VWA3B: variants seen among roughly 807,000 people sequenced by gnomAD.
VWA3B encodes the protein von Willebrand factor A domain containing 3B, also known as von Willebrand factor A domain-containing protein 3B.
A neutral mutation model predicts 158.3 loss-of-function variants in VWA3B; 138 were observed. That is an observed-to-expected ratio of 0.87 (90% CI 0.76 to 1.00). VWA3B has a LOEUF of 1.00. VWA3B is among the 50% of genes least tolerant of loss of function. The probability of loss-of-function intolerance (pLI) is 0.00; values close to 1 mark genes in which losing one functional copy is unlikely to be tolerated. For missense variants in VWA3B, 1,555 were observed against 1,565.1 expected, an observed-to-expected ratio of 0.99 and a Z score of 0.11; for synonymous variants, 596 against 587.3, an observed-to-expected ratio of 1.01 and a Z score of -0.21.
intron 19 of VWA3B, among the ~76,000 whole-genome samples, chr2:98,240,229 G>A (rs1182818717): frequency 6.6e-6 from 1 of 152,076 alleles, no homozygotes; most frequent in African/African-American, 2.4e-5. Flanking sequence ...TAATAAACAT[G>A]AATAAGACAA....
chr2:98,228,469 G>T, intron 15 of VWA3B, 137 bp downstream of exon 15: 3 of 1,112,266 alleles, frequency 2.7e-6, no homozygotes, highest in Non-Finnish European at 3.6e-6. Flanking sequence ...GATTAAGTTA[G>T]GATTTTTTTA....
chr2:98,311,900 A>G lies in VWA3B; in HGVS notation c.3603A>G (p.Arg1201=), dbSNP rs748979874. ...ACACGCAGGATTCCAGAGAGCCAAGACGAGAGAAGCCCAGGAGGAAAAAGA... is the reference window on the plus strand; with the variant it reads ...ACACGCAGGATTCCAGAGAGCCAAGGCGAGAGAAGCCCAGGAGGAAAAAGA... ...EADTQDSREP[R]REKPRRKKRP... is the part of the protein sequence containing the mutation. Residue 1201 remains arginine (R), a synonymous_variant, in exon 27 of 28, where the codon AGA becomes AGG. Transcript: ENST00000477737. The G allele has an allele frequency of 3.7e-6, 6 of 1,611,702 alleles. No homozygotes were observed. The highest frequency in any genetic ancestry group is 3.3e-4 in the Middle Eastern group (2 of 6,054).
rs113997049 is a variant in VWA3B at position 98,164,945 on chromosome 2, T to C, written c.1114+1969T>C. On this transcript the variant is annotated intron_variant, in intron 8 of 27. Transcript: ENST00000477737. ...AGCTCCATCACTAGACCCACCTGAG[T>C]TTGTCTCTTTTAGCCTTATTCTTCT... Among the ~76,000 whole-genome samples the C allele has an allele frequency of 5.5e-3, 833 of 152,266 alleles. 10 individuals are homozygous for C. Among genetic ancestry groups the C allele is most frequent in the African/African-American group, 0.019 (801 of 41,542 alleles).
chr2:98,209,231 C>T (rs1683285943), intron 12 of VWA3B, among the ~76,000 whole-genome samples: 1 of 151,870 alleles, frequency 6.6e-6, no homozygotes, highest in South Asian at 2.1e-4. Flanking sequence ...ATTTGCTTAG[C>T]TTCTTGAATT....
intron 2 of VWA3B, among the ~76,000 whole-genome samples, chr2:98,108,576 T>C (rs553479661): frequency 6.6e-6 from 1 of 152,320 alleles, no homozygotes; most frequent in East Asian, 1.9e-4. Context: ...TTCTGGTGGA[T>C]TGACACCTTT....
chr2:98,329,062 G>T, the VWA3B span, among the ~76,000 whole-genome samples: 5 of 152,138 alleles, frequency 3.3e-5, no homozygotes, highest in African/African-American at 4.8e-5. Flanking sequence ...TTCAACAAAA[G>T]TCCCAAGGCA....
intron 26 of VWA3B, 62 bp from the exon 27 acceptor site, chr2:98,311,757 G>A: frequency 1.4e-6 from 2 of 1,469,684 alleles, no homozygotes; most frequent in South Asian, 2.9e-5. Context: ...GGATGGCTTG[G>A]ACATCTCTGT....
intron 2 of VWA3B, among the ~76,000 whole-genome samples, chr2:98,101,611 C>G (rs970975412): frequency 6.6e-6 from 1 of 152,198 alleles, no homozygotes; most frequent in Non-Finnish European, 1.5e-5. Flanking sequence ...TAAGGAAGAT[C>G]TAGGGGATGT....
At chr2:98,310,253 T>C (rs1209707279) in intron 26 of VWA3B, among the ~76,000 whole-genome samples, 1 of 152,130 alleles carries the variant, frequency 6.6e-6, no homozygotes. Flanking sequence ...ACCTCAGGAA[T>C]CCAGCAGGAT....
chr2:98,204,217 A>G (rs138033144), intron 12 of VWA3B, among the ~76,000 whole-genome samples: 69 of 152,296 alleles, frequency 4.5e-4, no homozygotes, highest in African/African-American at 1.6e-3. Context: ...AGACAGTAGT[A>G]TTTGTTTGTT....
intron 21 of VWA3B, 25 bp from the exon 22 acceptor site, chr2:98,270,655 TTG>T: frequency 1.9e-6 from 3 of 1,593,928 alleles, no homozygotes; most frequent in Non-Finnish European, 2.6e-6. Flanking sequence ...CTTCCTCTGT[TTG>T]TTTGTTTGTT....
chr2:98,304,358 G>T (rs866835010), intron 26 of VWA3B, among the ~76,000 whole-genome samples: 5 of 152,280 alleles, frequency 3.3e-5, no homozygotes, highest in African/African-American at 7.2e-5. Context: ...GGGCCAACGA[G>T]GGGCATCAAA....
intron 7 of VWA3B, among the ~76,000 whole-genome samples, chr2:98,139,971 C>T (rs1368236993): frequency 2.6e-5 from 4 of 152,162 alleles, no homozygotes; most frequent in Admixed American, 2.6e-4. Flanking sequence ...TGCAGCTTCA[C>T]TCCTGAAGCC....
rs1436042736 is a variant in VWA3B at position 98,217,914 on chromosome 2, T to A, written c.1905T>A (p.Asn635Lys). The change falls in exon 14 of 28, where the codon AAT becomes AAA. Residue 635 changes from asparagine (N) to lysine (K), a missense_variant. By Grantham distance (94) the Asn-to-Lys change is moderately conservative. Transcript: ENST00000477737. ...TTCCTATTTATACCATCTCCTTCAA[T>A]TACAATGATGAGATTGCAAACAGGT... ...QEIPIYTISFNYNDEIANRFL... is the reference protein window; with the variant it reads ...QEIPIYTISFKYNDEIANRFL... The A allele has an allele frequency of 6.2e-7, 1 of 1,613,214 alleles. No individual in the cohort carries two copies. The highest frequency in any genetic ancestry group is 1.3e-5 in the African/African-American group (1 of 74,816).
intron 8 of VWA3B, among the ~76,000 whole-genome samples, chr2:98,166,090 A>C (rs1374381138): frequency 2.0e-5 from 3 of 152,142 alleles, no homozygotes; most frequent in Non-Finnish European, 4.4e-5. Flanking sequence ...TAATCCCAGC[A>C]CTTTGGGAGG....
chr2:98,284,826 G>C (rs1056997980), intron 22 of VWA3B, among the ~76,000 whole-genome samples: 2 of 152,058 alleles, frequency 1.3e-5, no homozygotes, highest in Non-Finnish European at 2.9e-5. Flanking sequence ...GGTTAAGAAA[G>C]AAAAAAGAAA....
intron 12 of VWA3B, chr2:98,206,462 G>T: frequency 3.0e-6 from 1 of 329,276 alleles, no homozygotes; most frequent in South Asian, 4.2e-5. Flanking sequence ...ATTTGGGTGA[G>T]AGCACAGTAA....
chr2:98,192,284 T>C (rs193070514), intron 10 of VWA3B: 9 of 154,118 alleles, frequency 5.8e-5, no homozygotes, highest in African/African-American at 1.9e-4. Flanking sequence ...AATAAAGCTT[T>C]TAATCACCTG....
rs963511197 is a variant in VWA3B, at chr2:98,115,481, A to G, written c.197-171A>G. 3.3e-5 allele frequency among the ~76,000 whole-genome samples: 5 copies of G among 152,264 alleles called. No homozygotes were observed. The South Asian group carries it at 8.3e-4, about 25-fold the overall frequency. ...TACAATGCCATAGACAGTTACATTT[A>G]TCACAGCACCTAGAAATACTTCATG... On this transcript the variant is annotated intron_variant, in intron 2 of 27. Transcript: ENST00000477737.
Sources: gnomAD v4.1 joint callset for allele counts (sites outside exome capture counted in the v4.1 genomes callset) on GRCh38, gnomAD v4.1.1 for gene constraint, MANE v1.5 for transcripts, NCBI Gene and HGNC (gene_info 2026-07-23, HGNC 2026-07-21) for gene names.